The following ZNF778 variants were observed in gnomAD, a reference collection of about 807,000 sequenced individuals.
ZNF778 encodes the protein zinc finger protein 778.
Under a neutral mutation model 23.9 loss-of-function variants are expected in ZNF778, and 37 were observed. The ratio of observed to expected loss-of-function variants is 1.54; its 90% CI spans 1.19 to 2.03. The LOEUF (loss-of-function observed/expected upper bound fraction) is 2.03, where lower values mean the gene tolerates loss of function less well. Ranked by LOEUF, ZNF778 falls within the 30% of genes most tolerant of loss-of-function variation. The pLI is 0.00. For missense variants in ZNF778, 1,297 were observed against 934.4 expected, an observed-to-expected ratio of 1.39 and a Z score of -5.06; for synonymous variants, 483 against 343.9, an observed-to-expected ratio of 1.40 and a Z score of -4.48.
At chr16:89,225,488 C>T in intron 5 of ZNF778, 67 bp from the exon 6 acceptor site, 1 of 1,285,602 alleles carries the variant, frequency 7.8e-7, no homozygotes. Context: ...TTTTTTCTGC[C>T]ATGTCTTATA....
At chr16:89,225,740 C>T (rs2031420044) in intron 6 of ZNF778, 109 bp downstream of exon 6, 1 of 1,010,228 alleles carries the variant, frequency 9.9e-7, no homozygotes, top group Non-Finnish European at 1.5e-6. Flanking sequence ...AGGATTCACT[C>T]AGGCAGGGGT....
chr16:89,221,298 T>C, intron 2 of ZNF778, 146 bp downstream of exon 2: 4 of 900,178 alleles, frequency 4.4e-6, no homozygotes, highest in South Asian at 1.6e-5. Flanking sequence ...TGCTGACCTG[T>C]AAGTCAGCCC....
In ZNF778 at chr16:89,226,972, C is replaced by T. The variant is rs567971239; in HGVS notation, c.684C>T (p.Ser228=). ...CTCGGGACAGATCTCTTGACTACAG[C>T]AGCTGTGGGGAAGTGTTCCTTAATC... The part of the protein sequence containing the change: ...ACTRDRSLDY[S]SCGEVFLNQS... Residue 228 remains serine (S), a synonymous_variant, in exon 7 of 7, where the codon AGC becomes AGT. Transcript: ENST00000433976. The T allele has an allele frequency of 2.4e-5, 39 of 1,614,046 alleles. No homozygotes were observed. The South Asian group carries it at 3.4e-4, about 14-fold the overall frequency.
chr16:89,230,990 T>C lies in ZNF778; in HGVS notation c.*2428T>C, dbSNP rs2031893617. 6.6e-6 allele frequency: 1 copy of C among 152,068 alleles called. No homozygotes were observed. The highest frequency in any genetic ancestry group is 2.4e-5 in the African/African-American group (1 of 41,326). 9.4% of individuals were successfully genotyped at this position (152,068 alleles called of 1,614,324 possible). On this transcript the variant is annotated 3_prime_UTR_variant, in exon 7 of 7. Coordinates refer to ENST00000433976, the MANE Select transcript of ZNF778 (RefSeq NM_001201407.2). ...ACCCGTGCACCTTCCTGTCACATGT[T>C]TGAAATCCTGGATGGACAGACCTGT...
rs370220251 is a variant in ZNF778, at chr16:89,226,940, G to A, written c.652G>A (p.Ala218Thr). The change falls in exon 7 of 7, where the codon GCA (alanine) becomes ACA (threonine). Residue 218 changes from alanine to threonine, a missense_variant. Ala to Thr is a moderately conservative substitution (Grantham distance 58). Coordinates refer to ENST00000433976, the MANE Select transcript of ZNF778 (RefSeq NM_001201407.2). ...SSTPNVVSQQ[A>T]CTRDRSLDYS... ...TACTCCAAATGTTGTTTCCCAGCAA[G>A]CATGCACTCGGGACAGATCTCTTGA... 5.9e-5 allele frequency: 95 copies of A among 1,613,896 alleles called. No homozygotes were observed. The highest frequency in any genetic ancestry group is 7.9e-5 in the Non-Finnish European group (93 of 1,179,890).
At chr16:89,218,520 G>T (rs1358652496) in intron 1 of ZNF778, among the ~76,000 whole-genome samples, 4 of 152,186 alleles carry the variant, frequency 2.6e-5, no homozygotes, top group Non-Finnish European at 5.9e-5. Context: ...GGCCGGGCGC[G>T]GTGGCTCACG....
chr16:89,219,658 C>A (rs563126892), intron 1 of ZNF778, among the ~76,000 whole-genome samples: 92 of 152,372 alleles, frequency 6.0e-4, no homozygotes, highest in South Asian at 1.2e-3. Flanking sequence ...TCCTGTTTAC[C>A]ATGGACGCTG....
chr16:89,226,030 G>A (rs574601113), intron 6 of ZNF778, among the ~76,000 whole-genome samples: 94 of 152,018 alleles, frequency 6.2e-4, no homozygotes, highest in African/African-American at 2.1e-3. Flanking sequence ...TCCTGCCTCA[G>A]CCTCCCAAGT....
intron 3 of ZNF778, among the ~76,000 whole-genome samples, chr16:89,222,641 G>A (rs1431579313): frequency 6.6e-6 from 1 of 152,238 alleles, no homozygotes; most frequent in Non-Finnish European, 1.5e-5. Context: ...TGGGATTACA[G>A]GCTTGCACCA....
At chr16:89,219,123 A>G (rs55959608) in intron 1 of ZNF778, among the ~76,000 whole-genome samples, 14,789 of 152,164 alleles carry the variant, frequency 0.097, 1,779 homozygotes, top group African/African-American at 0.28. Context: ...ATAAAAAAAT[A>G]AAAAAATAAG....
chr16:89,223,677 C>G (rs1444581577), intron 4 of ZNF778, among the ~76,000 whole-genome samples: 1 of 152,180 alleles, frequency 6.6e-6, no homozygotes, highest in Non-Finnish European at 1.5e-5. Context: ...GAGTAAGAGT[C>G]TTTGTGGTTT....
rs116402492 is a variant in ZNF778, at chr16:89,225,679, T to C, written c.405+48T>C. The C allele has an allele frequency of 1.3e-3, 1,924 of 1,520,166 alleles. 24 individuals are homozygous for C. The African/African-American group carries it at 0.023, about 18-fold the overall frequency. 94.2% of individuals were successfully genotyped at this position (1,520,166 alleles called of 1,614,324 possible). A position where few individuals can be genotyped will look rare whatever the true frequency, so the allele number is the denominator to read the frequency against. ...TTTTATTTATCACACTCATAAAAGA[T>C]TGGGAATTCCACTATAGAAAATGAG... On this transcript the variant is annotated intron_variant, in intron 6 of 6. Transcript: ENST00000433976.
In ZNF778 at chr16:89,229,256, A is replaced by G; in HGVS notation, c.*694A>G. On this transcript the variant is annotated 3_prime_UTR_variant, in exon 7 of 7. Transcript: ENST00000433976. ...TTGAGGATCCAGATGTGATTCTTTGAGCAGCGTAGGCTCTGGTTGGTTAGT... is the reference window on the plus strand; with the variant it reads ...TTGAGGATCCAGATGTGATTCTTTGGGCAGCGTAGGCTCTGGTTGGTTAGT... The G allele has an allele frequency of 1.0e-6, 1 of 985,156 alleles. No individual in the cohort carries two copies. Among genetic ancestry groups the G allele is most frequent in the African/African-American group, 1.7e-5 (1 of 57,176 alleles). The allele number at this position is 985,156 out of a possible 1,614,324, so 61.0% of individuals were successfully genotyped here.
rs2031984193 is a variant in ZNF778, at chr16:89,232,631, G to A, written c.*4069G>A. On this transcript the variant is annotated 3_prime_UTR_variant, in exon 7 of 7. Transcript: ENST00000433976. Reference sequence around the variant, plus strand: ...AAGATAAAATATTAAAGGACCAATTGTATTAATTATGTTTTTTTTTTTTTT... The same window carrying A: ...AAGATAAAATATTAAAGGACCAATTATATTAATTATGTTTTTTTTTTTTTT... 10 of 1,163,842 alleles carry A rather than the reference G, an allele frequency of 8.6e-6. No individual in the cohort carries two copies. The highest frequency in any genetic ancestry group is 9.6e-6 in the Non-Finnish European group (9 of 936,710). The allele number at this position is 1,163,842 out of a possible 1,614,324, so 72.1% of individuals were successfully genotyped here. A position where few individuals can be genotyped will look rare whatever the true frequency, so the allele number is the denominator to read the frequency against.
In ZNF778 at chr16:89,222,190, C is replaced by G. The variant is rs1398018716; in HGVS notation, c.117+7C>G. 1 of 1,590,650 alleles carries G rather than the reference C, an allele frequency of 6.3e-7. No homozygotes were observed. Among genetic ancestry groups the G allele is most frequent in the South Asian group, 1.1e-5 (1 of 88,746 alleles). On this transcript the variant is annotated splice_region_variant and intron_variant, in intron 3 of 6. Transcript: ENST00000433976. Reference sequence around the variant, plus strand: ...GCTGATAAATTGTTACCAGGTATGCCAAAACTGTATTTTTTCTTAAAATAA... The same window carrying G: ...GCTGATAAATTGTTACCAGGTATGCGAAAACTGTATTTTTTCTTAAAATAA...
At position 89,229,224 on chromosome 16, in the gene ZNF778, G is replaced by A. The variant is rs2031767162; in HGVS notation, c.*662G>A. The A allele has an allele frequency of 1.1e-5, 11 of 985,538 alleles. No individual in the cohort carries two copies. Among genetic ancestry groups the A allele is most frequent in the East Asian group, 1.1e-4 (1 of 8,834 alleles). The allele number at this position is 985,538 out of a possible 1,614,324, so 61.0% of individuals were successfully genotyped here. A position where few individuals can be genotyped will look rare whatever the true frequency, so the allele number is the denominator to read the frequency against. On this transcript the variant is annotated 3_prime_UTR_variant, in exon 7 of 7. Coordinates refer to ENST00000433976, the MANE Select transcript of ZNF778 (RefSeq NM_001201407.2). ...GTGTGAGCAGTGTAGGCTCTGGTTG[G>A]TTAGTCTTGAGGATCCAGATGTGAT... is the stretch of plus-strand genomic sequence containing the variant.
chr16:89,217,822 C>CGCCTT lies in ZNF778; in HGVS notation c.-218_-217insCTTGC, dbSNP rs2030490065. On this transcript the variant is annotated 5_prime_UTR_variant, in exon 1 of 7. Coordinates refer to ENST00000433976, the MANE Select transcript of ZNF778 (RefSeq NM_001201407.2). ...GGAGTGGGCGCCCGCCCGCCTGCCT[C>CGCCTT]GCGCCTTGCGCCCCCGGCACCGCTT... 1 of 152,232 alleles carries CGCCTT rather than the reference C, an allele frequency of 6.6e-6. No individual in the cohort carries two copies. Among genetic ancestry groups the CGCCTT allele is most frequent in the Non-Finnish European group, 1.5e-5 (1 of 68,054 alleles). The allele number at this position is 152,232 out of a possible 1,614,324, so 9.4% of individuals were successfully genotyped here.
chr16:89,236,176 CA>C lies in ZNF778; in HGVS notation c.*7620del. 1 of 152,050 alleles carries C rather than the reference CA, an allele frequency of 6.6e-6. No homozygotes were observed. The highest frequency in any genetic ancestry group is 1.5e-5 in the Non-Finnish European group (1 of 68,106). 9.4% of individuals were successfully genotyped at this position (152,050 alleles called of 1,614,324 possible). On this transcript the variant is annotated 3_prime_UTR_variant, in exon 7 of 7. Transcript: ENST00000433976. Reference sequence around the variant, plus strand: ...TGGGCAACAGAGCGAGACTCTGTCTCAAAAAAGAAGAAAGAAAAGAAAACCA... The same window carrying C: ...TGGGCAACAGAGCGAGACTCTGTCTCAAAAAGAAGAAAGAAAAGAAAACCA...
At chr16:89,226,672 A>G (rs1023900316) in intron 6 of ZNF778, 22 bp from the exon 7 acceptor site, 2 of 1,591,792 alleles carry the variant, frequency 1.3e-6, no homozygotes, top group Non-Finnish European at 1.7e-6. Flanking sequence ...CCCCCTGACC[A>G]CCACTCATTC....
Sources: gnomAD v4.1 joint callset for allele counts (sites outside exome capture counted in the v4.1 genomes callset) on GRCh38, gnomAD v4.1.1 for gene constraint, MANE v1.5 for transcripts, NCBI Gene and HGNC (gene_info 2026-07-23, HGNC 2026-07-21) for gene names.